Variants in BRINP1 observed in about 807,000 individuals in gnomAD.
BRINP1 encodes the protein BMP/retinoic acid-inducible neural-specific protein 1.
In BRINP1, 17 loss-of-function variants were observed where a neutral mutation model predicts 72.9. That is an observed-to-expected ratio of 0.23 (90% CI 0.16 to 0.35). The LOEUF is 0.35. Among genes scored for constraint, BRINP1 ranks in the 10% least tolerant of loss-of-function variants. The pLI is 1.00. For synonymous variants in BRINP1, 418 were observed against 378.5 expected (o/e 1.10, Z -1.21); for missense variants, 850 against 1,001.6 (o/e 0.85, Z 2.04).
chr9:119,317,030 G>T (rs538831565), intron 1 of BRINP1, among the ~76,000 whole-genome samples: 2 of 151,780 alleles, frequency 1.3e-5, no homozygotes, highest in African/African-American at 4.9e-5. Context: ...GGCGGAGGTC[G>T]CCGGGAACCA....
intron 5 of BRINP1, among the ~76,000 whole-genome samples, chr9:119,234,232 T>C (rs1253376079): frequency 6.6e-6 from 1 of 152,342 alleles, no homozygotes; most frequent in East Asian, 1.9e-4. Context: ...TTTGTGTTCC[T>C]ATAAGCAATG....
chr9:119,222,269 T>C (rs764126503), intron 5 of BRINP1, among the ~76,000 whole-genome samples: 52 of 152,190 alleles, frequency 3.4e-4, no homozygotes, highest in South Asian at 2.1e-3. Context: ...AATTGTTTGT[T>C]AGCACAGCAT....
chr9:119,345,448 G>T (rs1831440002), intron 1 of BRINP1, among the ~76,000 whole-genome samples: 1 of 152,110 alleles, frequency 6.6e-6, no homozygotes, highest in Non-Finnish European at 1.5e-5. Flanking sequence ...ATTCCTCAAA[G>T]AACATTTCAG....
chr9:119,177,917 G>C (rs924806351), intron 7 of BRINP1, among the ~76,000 whole-genome samples: 43 of 152,280 alleles, frequency 2.8e-4, no homozygotes, highest in Non-Finnish European at 5.0e-4. Context: ...ACAGCAAGAG[G>C]ACTTAGAAAG....
intron 2 of BRINP1, among the ~76,000 whole-genome samples, chr9:119,305,143 G>A (rs1002142576): frequency 6.6e-6 from 1 of 152,174 alleles, no homozygotes; most frequent in Admixed American, 6.5e-5. Flanking sequence ...GAATGGAATA[G>A]AATAGAAGAT....
intron 2 of BRINP1, among the ~76,000 whole-genome samples, chr9:119,275,215 TA>T (rs926993209): frequency 5.9e-5 from 9 of 152,158 alleles, no homozygotes; most frequent in African/African-American, 2.2e-4. Flanking sequence ...TATGTAGGAT[TA>T]TAAAAGCCCA....
At chr9:119,193,575 T>C (rs1829703808) in intron 7 of BRINP1, among the ~76,000 whole-genome samples, 1 of 152,300 alleles carries the variant, frequency 6.6e-6, no homozygotes, top group Non-Finnish European at 1.5e-5. Context: ...GGAAAGTAAC[T>C]AGGTGAGATG....
intron 2 of BRINP1, among the ~76,000 whole-genome samples, chr9:119,253,110 G>A (rs78426137): frequency 2.6e-5 from 4 of 152,120 alleles, no homozygotes; most frequent in Admixed American, 1.3e-4. Flanking sequence ...TCAGCACCAC[G>A]GACAGAGTTT....
intron 6 of BRINP1, among the ~76,000 whole-genome samples, chr9:119,210,018 T>C (rs948437233): frequency 6.6e-6 from 1 of 152,242 alleles, no homozygotes; most frequent in Admixed American, 6.5e-5. Flanking sequence ...GAGTGTCAAC[T>C]TGGCACATCC....
intron 3 of BRINP1, among the ~76,000 whole-genome samples, chr9:119,247,745 T>G (rs1830339120): frequency 6.7e-6 from 1 of 150,318 alleles, no homozygotes; most frequent in Non-Finnish European, 1.5e-5. Context: ...AACACTCACT[T>G]AAAAACTTAG....
intron 2 of BRINP1, among the ~76,000 whole-genome samples, chr9:119,294,853 TAAAAAA>T (rs59715609): frequency 7.8e-6 from 1 of 128,034 alleles, no homozygotes; most frequent in Non-Finnish European, 1.6e-5. Flanking sequence ...GACACTACGT[TAAAAAA>T]AAAAAAAAAA....
intron 1 of BRINP1, among the ~76,000 whole-genome samples, chr9:119,367,298 C>T (rs1025081398): frequency 9.2e-5 from 13 of 141,044 alleles, no homozygotes; most frequent in African/African-American, 2.6e-4. Flanking sequence ...TACTTTTTTC[C>T]CCTAAGAGGG....
chr9:119,341,762 G>GTAT (rs144816875), intron 1 of BRINP1, among the ~76,000 whole-genome samples: 34 of 151,956 alleles, frequency 2.2e-4, no homozygotes, highest in Admixed American at 7.2e-4. Context: ...AAGAGCATCT[G>GTAT]TATTATTATT....
chr9:119,257,476 A>T (rs1172020002), intron 2 of BRINP1, among the ~76,000 whole-genome samples: 2 of 152,202 alleles, frequency 1.3e-5, no homozygotes, highest in East Asian at 3.9e-4. Flanking sequence ...AATGACATTG[A>T]ACCCCGAATA....
chr9:119,299,211 C>T (rs185059569), intron 2 of BRINP1, among the ~76,000 whole-genome samples: 2 of 152,050 alleles, frequency 1.3e-5, no homozygotes, highest in Admixed American at 1.3e-4. Flanking sequence ...ATTTTGTATC[C>T]TTTGACAAAC....
At chr9:119,249,870 G>A (rs866859937) in intron 2 of BRINP1, among the ~76,000 whole-genome samples, 15 of 110,224 alleles carry the variant, frequency 1.4e-4, no homozygotes, top group African/African-American at 5.2e-4. Flanking sequence ...GAGGGAGGGA[G>A]GGAGGGAAGG....
intron 2 of BRINP1, among the ~76,000 whole-genome samples, chr9:119,253,797 G>A (rs188494908): frequency 4.9e-4 from 75 of 152,250 alleles, no homozygotes; most frequent in African/African-American, 1.7e-3. Flanking sequence ...ATACATAAAT[G>A]ATAAGAGCTA....
Position 119,166,940 on chromosome 9 carries a change from C to A in BRINP1, c.*144G>T. ...TACAGTTGCTAGAACGTTTTCATTT[C>A]CAACAAATGAAGATTTTCCTCCTTT... On this transcript the variant is annotated 3_prime_UTR_variant, in exon 8 of 8. Transcript: ENST00000265922. The A allele has an allele frequency of 1.1e-6, 1 of 908,314 alleles. No homozygotes were observed. Among genetic ancestry groups the A allele is most frequent in the Non-Finnish European group, 1.7e-6 (1 of 599,484 alleles). The allele number at this position is 908,314 out of a possible 1,614,324, so 56.3% of individuals were successfully genotyped here.
chr9:119,213,648 G>T, intron 6 of BRINP1: 1 of 577,330 alleles, frequency 1.7e-6, no homozygotes, highest in East Asian at 2.8e-5. Context: ...GGCTTCCTAT[G>T]CAGATTTATT....
Sources: allele counts gnomAD v4.1 joint callset (sites outside exome capture counted in the v4.1 genomes callset), GRCh38; gene constraint gnomAD v4.1.1; transcripts MANE v1.5; gene names NCBI Gene and HGNC (gene_info 2026-07-23, HGNC 2026-07-21).